Variants in DNAH2 observed in about 807,000 individuals in gnomAD.
DNAH2 encodes axonemal beta dynein heavy chain 2.
A neutral mutation model predicts 523.5 loss-of-function variants in DNAH2; 323 were observed. The observed-to-expected ratio is 0.62, with a 90% CI of 0.56 to 0.68. DNAH2 has a LOEUF of 0.68. DNAH2 is among the 30% of genes least tolerant of loss of function. The pLI is 0.00. For missense variants in DNAH2, 4,907 were observed against 5,701.5 expected, an observed-to-expected ratio of 0.86 and a Z score of 4.49; for synonymous variants, 2,093 against 2,177.4, an observed-to-expected ratio of 0.96 and a Z score of 1.08.
Position 7,831,152 on chromosome 17 carries a change from C to T in DNAH2, c.12297C>T (p.Ile4099=), listed in dbSNP as rs964687053. Residue 4099 remains isoleucine (I), a synonymous_variant, in exon 80 of 86, where the codon ATC becomes ATT. Transcript: ENST00000572933. The surrounding 1 kb of genome is among the most constrained non-coding windows in gnomAD (Gnocchi z 4.2). The stretch of plus-strand genomic sequence containing the variant: ...GCCTCGCTTCTTACAAGGAATACAT[C>T]AGCTTATTGCCTGGCATGGACCCCC... ...DGSLASYKEY[I]SLLPGMDPPE... is the part of the protein sequence containing the mutation. 2 of 1,614,040 alleles carry T rather than the reference C, an allele frequency of 1.2e-6. No individual in the cohort carries two copies. Among genetic ancestry groups the T allele is most frequent in the Non-Finnish European group, 1.7e-6 (2 of 1,180,036 alleles).
rs1035010599 is a variant in DNAH2, at chr17:7,824,297, G to T, written c.11655G>T (p.Val3885=). The change falls in exon 76 of 86, where the codon GTG becomes GTT. Residue 3885 remains valine, a synonymous_variant. Transcript: ENST00000572933. ...CTGCTCGGCTCCTCCGAGAGGGTGT[G>T]ACTCAGGGTTGGTGTCCATCCTTTC... The part of the protein sequence containing the change: ...PIAARLLREG[V]TQGHWVFLAN... 2 of 1,522,876 alleles carry T rather than the reference G, an allele frequency of 1.3e-6. No homozygotes were observed. The highest frequency in any genetic ancestry group is 2.8e-5 in the African/African-American group (2 of 71,594). The allele number at this position is 1,522,876 out of a possible 1,614,324, so 94.3% of individuals were successfully genotyped here.
In DNAH2 at chr17:7,831,272, G is replaced by C. The variant is rs527798231; in HGVS notation, c.12417G>C (p.Gln4139His). The C allele has an allele frequency of 9.9e-6, 16 of 1,614,128 alleles. No homozygotes were observed. The East Asian group carries it at 3.3e-4, about 34-fold the overall frequency. Residue 4139 changes from glutamine (Q) to histidine (H), a missense_variant, in exon 80 of 86, where the codon CAG (glutamine) becomes CAC (histidine). Coordinates refer to ENST00000572933, the MANE Select transcript of DNAH2 (RefSeq NM_020877.5). The surrounding 1 kb of genome is among the most constrained non-coding windows in gnomAD (Gnocchi z 4.2). ...ATACTTTGCTTTCCTTGCAACCTCA[G>C]ATTACACCCACCAGGGCTGGAGGCC... ...LFDTLLSLQP[Q>H]ITPTRAGGQT...
rs997062133 is a variant in DNAH2 at position 7,780,910 on chromosome 17, C to T, written c.6003+128C>T. ...TCACCTTCCCACCTCGTCCCATCCC[C>T]GTGTTGCCCGCTGCTTTGCTAATGG... On this transcript the variant is annotated intron_variant, in intron 38 of 85. Transcript: ENST00000572933. The surrounding 1 kb of genome is among the most constrained non-coding windows in gnomAD (Gnocchi z 4.4). 2.2e-5 allele frequency: 34 copies of T among 1,578,520 alleles called. No homozygotes were observed. Among genetic ancestry groups the T allele is most frequent in the African/African-American group, 8.1e-5 (6 of 74,300 alleles).
intron 4 of DNAH2, among the ~76,000 whole-genome samples, chr17:7,730,342 G>A (rs1386153275): frequency 6.6e-6 from 1 of 152,096 alleles, no homozygotes; most frequent in Admixed American, 6.6e-5. Context: ...AAAAGCCAAG[G>A]ACATTAACAC....
In DNAH2 at chr17:7,832,921, C is replaced by A. The variant is rs778339712; in HGVS notation, c.12971C>A (p.Pro4324His). 5.6e-6 allele frequency: 9 copies of A among 1,614,000 alleles called. No individual in the cohort carries two copies. Among genetic ancestry groups the A allele is most frequent in the South Asian group, 4.4e-5 (4 of 91,094 alleles). The change falls in exon 84 of 86, where the codon CCC becomes CAC. Residue 4324 changes from proline (P) to histidine (H), a missense_variant. Physicochemically the swap from Pro to His is moderately conservative, Grantham distance 77. Transcript: ENST00000572933. This position sits in a 1 kb window ranked among gnomAD's most constrained non-coding sequence, Gnocchi z 4.3. Reference sequence around the variant, plus strand: ...GTGGATGACAGCAACCTAGTGTATCCCCCCAAGGTGGGAGCCAGTTGTGCT... The same window carrying A: ...GTGGATGACAGCAACCTAGTGTATCACCCCAAGGTGGGAGCCAGTTGTGCT... ...STVDDSNLVYPPKDGVWVRGL... is the reference protein window; with the variant it reads ...STVDDSNLVYHPKDGVWVRGL...
chr17:7,817,925 A>G, intron 67 of DNAH2, 21 bp from the exon 68 acceptor site: 1 of 1,612,590 alleles, frequency 6.2e-7, no homozygotes, highest in Non-Finnish European at 8.5e-7. Context: ...GTGTTCCTTC[A>G]CCTTCCCCCT....
intron 3 of DNAH2, among the ~76,000 whole-genome samples, chr17:7,724,915 G>A (rs2074747722): frequency 6.6e-6 from 1 of 151,464 alleles, no homozygotes; most frequent in Admixed American, 6.6e-5. Flanking sequence ...GCTAATTTTT[G>A]TATTTTTAGT....
chr17:7,759,898 C>A lies in DNAH2; in HGVS notation c.2745C>A (p.Thr915=). 6.2e-7 allele frequency: 1 copy of A among 1,614,180 alleles called. No individual in the cohort carries two copies. The highest frequency in any genetic ancestry group is 8.5e-7 in the Non-Finnish European group (1 of 1,180,040). The change falls in exon 17 of 86, where the codon ACC becomes ACA. Residue 915 remains threonine, a synonymous_variant. Transcript: ENST00000572933. ...SVFCHLPDIL[T]KRKLHREPIQ... is the part of the protein sequence containing the mutation. ...TCTGCCACCTCCCTGACATTCTCAC[C>A]AAGCGCAAGTTACATCGTGAACCCA...
rs1030069080 is a variant in DNAH2, at chr17:7,760,188, C to G, written c.2785+250C>G. ...TTCGAGACTAGCCTGGCCAACATGG[C>G]AAAACCCCATCTCTACTAAAAATCC... On this transcript the variant is annotated intron_variant, in intron 17 of 85. Coordinates refer to ENST00000572933, the MANE Select transcript of DNAH2 (RefSeq NM_020877.5). The surrounding 1 kb of genome is among the most constrained non-coding windows in gnomAD (Gnocchi z 4.0). Among the ~76,000 whole-genome samples the G allele has an allele frequency of 6.6e-6, 1 of 152,048 alleles. No homozygotes were observed. The highest frequency in any genetic ancestry group is 1.5e-5 in the Non-Finnish European group (1 of 67,992).
rs148724035 is a variant in DNAH2 at position 7,831,086 on chromosome 17, G to A, written c.12231G>A (p.Arg4077=). Residue 4077 remains arginine, a splice_region_variant and synonymous_variant, in exon 80 of 86, where the codon CGG becomes CGA. Transcript: ENST00000572933. This position sits in a 1 kb window ranked among gnomAD's most constrained non-coding sequence, Gnocchi z 4.2. ...CAGTAATTATGCTATGACTCCCTAGGTTGTCAGCACTGGAGACTTATTTCA... is the reference window on the plus strand; with the variant it reads ...CAGTAATTATGCTATGACTCCCTAGATTGTCAGCACTGGAGACTTATTTCA... ...CDQSLSTPFH[R]LSALETYFIP... is the part of the protein sequence containing the mutation. 1.3e-5 allele frequency: 21 copies of A among 1,612,708 alleles called. No homozygotes were observed. In the African/African-American group the frequency reaches 1.5e-4, roughly 11 times the overall value.
chr17:7,766,546 C>T (rs1206846275), intron 22 of DNAH2, 65 bp downstream of exon 22: 9 of 1,520,916 alleles, frequency 5.9e-6, no homozygotes, highest in South Asian at 1.3e-5. Context: ...AGAATGGGTC[C>T]TTAGCGCCCA....
chr17:7,799,538 C>T (rs565337158), intron 56 of DNAH2, among the ~76,000 whole-genome samples: 6 of 152,110 alleles, frequency 3.9e-5, no homozygotes, highest in Admixed American at 2.6e-4. Flanking sequence ...ACACACAGGC[C>T]GGGCATAGTG....
In DNAH2 at chr17:7,818,635, GC is replaced by G; in HGVS notation, c.10537-3del. The G allele has an allele frequency of 1.2e-6, 2 of 1,613,678 alleles. No individual in the cohort carries two copies. The highest frequency in any genetic ancestry group is 8.5e-7 in the Non-Finnish European group (1 of 1,179,954). ...ACAGCCCCTCACTGTGAGTCCTGAT[GC>G]CCCCAGGGCCTGGAGGCCCAGCTGC... On this transcript the variant is annotated splice_polypyrimidine_tract_variant and splice_region_variant and intron_variant, in intron 69 of 85. Transcript: ENST00000572933.
At chr17:7,781,196 C>G (rs755085819) in intron 39 of DNAH2, 29 bp downstream of exon 39, 2 of 1,613,496 alleles carry the variant, frequency 1.2e-6, no homozygotes, top group Non-Finnish European at 1.7e-6. Flanking sequence ...TCTCCCTGAC[C>G]GGGTGCTGTG....
intron 72 of DNAH2, among the ~76,000 whole-genome samples, chr17:7,820,997 C>A (rs1288137743): frequency 6.6e-6 from 1 of 152,036 alleles, no homozygotes; most frequent in Non-Finnish European, 1.5e-5. Flanking sequence ...CGAGATCGTA[C>A]CATGGTACTC....
At position 7,780,972 on chromosome 17, in the gene DNAH2, G is replaced by T; in HGVS notation, c.6004-70G>T. On this transcript the variant is annotated intron_variant, in intron 38 of 85. Coordinates refer to ENST00000572933, the MANE Select transcript of DNAH2 (RefSeq NM_020877.5). This position sits in a 1 kb window ranked among gnomAD's most constrained non-coding sequence, Gnocchi z 4.4. ...ATCCATTGTTCTTGGCACGTGCCCC[G>T]AAGCCCTTTGGAGGTGAAAGGCCTA... 1.9e-6 allele frequency: 3 copies of T among 1,609,088 alleles called. No homozygotes were observed. Among genetic ancestry groups the T allele is most frequent in the Non-Finnish European group, 2.5e-6 (3 of 1,178,208 alleles).
intron 8 of DNAH2, chr17:7,737,905 GAGA>G (rs1189043146): frequency 2.9e-6 from 2 of 694,860 alleles, no homozygotes; most frequent in Non-Finnish European, 5.3e-6. Context: ...GGGGGATGCA[GAGA>G]AGGAGTTGGG....
At chr17:7,791,808 C>A in intron 44 of DNAH2, 109 bp from the exon 45 acceptor site, 2 of 1,068,578 alleles carry the variant, frequency 1.9e-6, no homozygotes, top group South Asian at 3.4e-5. Context: ...CAAATAGAGC[C>A]AGGGAAGGAG....
chr17:7,816,508 G>C lies in DNAH2; in HGVS notation c.9730-63G>C. 1.9e-6 allele frequency: 3 copies of C among 1,586,194 alleles called. No individual in the cohort carries two copies. In the South Asian group the frequency reaches 3.4e-5, roughly 18 times the overall value. ...AGCTACAAAATGGCAGAGTCATGAT[G>C]TGAACAAGAACAATCTGGCTGCGAG... On this transcript the variant is annotated intron_variant, in intron 63 of 85. Transcript: ENST00000572933.
Sources: allele counts gnomAD v4.1 joint callset (sites outside exome capture counted in the v4.1 genomes callset), GRCh38; gene constraint gnomAD v4.1.1; non-coding constraint Gnocchi (gnomAD v3.1); transcripts MANE v1.5; gene names NCBI Gene and HGNC (gene_info 2026-07-23, HGNC 2026-07-21).